Variants in GPR158 observed in about 807,000 individuals in gnomAD.
GPR158 encodes metabotropic glycine receptor.
A neutral mutation model predicts 78.2 loss-of-function variants in GPR158; 30 were observed. The observed-to-expected ratio is 0.38, with a 90% CI of 0.29 to 0.52. The LOEUF is 0.52. GPR158 is among the 20% of genes least tolerant of loss of function. The pLI is 0.83. For synonymous variants in GPR158, 581 were observed against 591.1 expected (o/e 0.98, Z 0.25); for missense variants, 1,463 against 1,523.5 (o/e 0.96, Z 0.66).
chr10:25,598,708 C>G lies in GPR158; in HGVS notation c.3082C>G (p.His1028Asp), dbSNP rs1389889915. 2 of 1,613,958 alleles carry G rather than the reference C, an allele frequency of 1.2e-6. No individual in the cohort carries two copies. The highest frequency in any genetic ancestry group is 1.7e-6 in the Non-Finnish European group (2 of 1,179,976). Residue 1028 changes from histidine to aspartate, a missense_variant, in exon 11 of 11, where the codon CAC (histidine) becomes GAC (aspartate). By Grantham distance (81) the His-to-Asp change is moderately conservative (BLOSUM62 -1). Transcript: ENST00000376351. ...GCCTTCAGAATCAAAAGTTCAAAAG[C>G]ACGTATCTATTGTGGCTTCTGAAAT... Reference protein sequence around the residue: ...PVPSESKVQKHVSIVASEMEK... With the variant: ...PVPSESKVQKDVSIVASEMEK...
chr10:25,271,298 T>C (rs1432812541), intron 2 of GPR158, among the ~76,000 whole-genome samples: 4 of 152,376 alleles, frequency 2.6e-5, no homozygotes, highest in African/African-American at 9.6e-5. Flanking sequence ...TTTAATTATG[T>C]ATTTATTTAT....
chr10:25,404,379 C>G (rs560560309), intron 3 of GPR158, among the ~76,000 whole-genome samples: 15 of 152,190 alleles, frequency 9.9e-5, no homozygotes, highest in Admixed American at 4.6e-4. Flanking sequence ...GAATTGATCT[C>G]ATGGTATTTC....
intron 7 of GPR158, among the ~76,000 whole-genome samples, chr10:25,574,894 A>C (rs531826640): frequency 1.3e-5 from 2 of 152,110 alleles, no homozygotes; most frequent in South Asian, 4.2e-4. Flanking sequence ...CAAAGAAATA[A>C]AAAACAAAAA....
At chr10:25,221,344 G>T (rs80173810) in intron 2 of GPR158, among the ~76,000 whole-genome samples, 187 bp downstream of exon 2, 2 of 152,076 alleles carry the variant, frequency 1.3e-5, no homozygotes. Context: ...GTTCGCTTGG[G>T]GACTGAAAGA....
At chr10:25,189,447 T>C (rs1275562297) in intron 1 of GPR158, among the ~76,000 whole-genome samples, 1 of 152,168 alleles carries the variant, frequency 6.6e-6, no homozygotes, top group African/African-American at 2.4e-5. Context: ...CATGGAATAC[T>C]ATGCAGCCAT....
Position 25,264,506 on chromosome 10 carries a change from T to C in GPR158, c.1008+43349T>C, listed in dbSNP as rs561367476. ...TGGATCAGTCAAGCCATAATATTAC[T>C]CCCAACCCAAATGTCATCTAAATGC... On this transcript the variant is annotated intron_variant, in intron 2 of 10. Coordinates refer to ENST00000376351, the MANE Select transcript of GPR158 (RefSeq NM_020752.3). Among the ~76,000 whole-genome samples the C allele has an allele frequency of 2.0e-5, 3 of 152,194 alleles. No individual in the cohort carries two copies. The South Asian group carries it at 6.2e-4, about 32-fold the overall frequency.
chr10:25,285,957 T>A (rs563039435), intron 2 of GPR158, among the ~76,000 whole-genome samples: 1 of 152,322 alleles, frequency 6.6e-6, no homozygotes, highest in South Asian at 2.1e-4. Context: ...GGCATTCCAT[T>A]GTCTTCTGAC....
chr10:25,548,655 G>A (rs1038050419), intron 5 of GPR158, among the ~76,000 whole-genome samples: 1 of 152,174 alleles, frequency 6.6e-6, no homozygotes, highest in African/African-American at 2.4e-5. Context: ...AATTGGAACC[G>A]AGGGAGACTG....
chr10:25,216,750 G>A (rs1299316076), intron 1 of GPR158, among the ~76,000 whole-genome samples: 1 of 152,110 alleles, frequency 6.6e-6, no homozygotes, highest in East Asian at 1.9e-4. Flanking sequence ...TTAGAAAGTG[G>A]CCAGGTAGGA....
intron 2 of GPR158, among the ~76,000 whole-genome samples, chr10:25,222,495 A>G (rs1013821401): frequency 6.6e-6 from 1 of 151,622 alleles, no homozygotes; most frequent in Non-Finnish European, 1.5e-5. Flanking sequence ...TGCCATCCAC[A>G]GTTAATGTTT....
rs140683121 is a variant in GPR158, at chr10:25,307,352, G to C, written c.1008+86195G>C. ...CTTTTTCTTTCAAGTCCCCCAAAAT[G>C]CCATACTCTCGTGTATTTTAATTGC... is the stretch of plus-strand genomic sequence containing the variant. On this transcript the variant is annotated intron_variant, in intron 2 of 10. Coordinates refer to ENST00000376351, the MANE Select transcript of GPR158 (RefSeq NM_020752.3). Among the ~76,000 whole-genome samples the C allele has an allele frequency of 2.2e-3, 321 of 143,190 alleles. 2 individuals carry two copies. Among genetic ancestry groups the C allele is most frequent in the African/African-American group, 7.8e-3 (299 of 38,316 alleles). 93.9% of individuals were successfully genotyped at this position (143,190 alleles called of 152,430 possible).
rs191447585 is a variant in GPR158 at position 25,543,182 on chromosome 10, G to A, written c.1405-7794G>A. 1.6e-3 allele frequency among the ~76,000 whole-genome samples: 242 copies of A among 152,052 alleles called. 1 individual carries two copies. The Middle Eastern group carries it at 0.034, about 21-fold the overall frequency. On this transcript the variant is annotated intron_variant, in intron 5 of 10. Coordinates refer to ENST00000376351, the MANE Select transcript of GPR158 (RefSeq NM_020752.3). ...GTCACCCAGGCTGGAGTGCAGTGGC[G>A]CAATCTCTGCTCACTGCAACCTCTG... is the stretch of plus-strand genomic sequence containing the variant.
At position 25,196,948 on chromosome 10, in the gene GPR158, G is replaced by A. The variant is rs77508099; in HGVS notation, c.902+20626G>A. Among the ~76,000 whole-genome samples, 9 of 152,174 alleles carry A rather than the reference G, an allele frequency of 5.9e-5. No individual in the cohort carries two copies. The East Asian group carries it at 1.5e-3, about 26-fold the overall frequency. On this transcript the variant is annotated intron_variant, in intron 1 of 10. Transcript: ENST00000376351. ...CAAGCTGTCCTGCATGAGCATTTTCGACCTGTGCTCCAGGCTTCTGCTAAG... is the reference window on the plus strand; with the variant it reads ...CAAGCTGTCCTGCATGAGCATTTTCAACCTGTGCTCCAGGCTTCTGCTAAG...
chr10:25,424,345 G>C (rs1325937475), intron 4 of GPR158, among the ~76,000 whole-genome samples: 1 of 152,088 alleles, frequency 6.6e-6, no homozygotes, highest in Non-Finnish European at 1.5e-5. Flanking sequence ...TCACTCTGAT[G>C]GCATGGCAGT....
intron 6 of GPR158, among the ~76,000 whole-genome samples, chr10:25,552,118 C>G (rs1443543132): frequency 6.6e-6 from 1 of 152,138 alleles, no homozygotes; most frequent in South Asian, 2.1e-4. Flanking sequence ...AGATTCCCTT[C>G]TTATATATGC....
rs557879209 is a variant in GPR158 at position 25,400,557 on chromosome 10, T to A, written c.1111+4544T>A. Among the ~76,000 whole-genome samples, 28 of 152,276 alleles carry A rather than the reference T, an allele frequency of 1.8e-4. No individual in the cohort carries two copies. The South Asian group carries it at 5.8e-3, about 32-fold the overall frequency. On this transcript the variant is annotated intron_variant, in intron 3 of 10. Transcript: ENST00000376351. ...TGCTCTTGAAATTGGTAATCACATG[T>A]GAGTTAGCAGGATCTGACATCTGGA...
At chr10:25,341,282 G>A (rs996079770) in intron 2 of GPR158, among the ~76,000 whole-genome samples, 1 of 151,904 alleles carries the variant, frequency 6.6e-6, no homozygotes, top group Non-Finnish European at 1.5e-5. Flanking sequence ...TTGAATGTGG[G>A]TAAATGTAAA....
chr10:25,553,684 T>C (rs1269049632), intron 6 of GPR158, among the ~76,000 whole-genome samples: 1 of 152,130 alleles, frequency 6.6e-6, no homozygotes, highest in African/African-American at 2.4e-5. Context: ...TGAATGGAGC[T>C]GCAAAGGGTG....
At chr10:25,253,997 C>G (rs1048848178) in intron 2 of GPR158, among the ~76,000 whole-genome samples, 2 of 152,140 alleles carry the variant, frequency 1.3e-5, no homozygotes, top group Non-Finnish European at 2.9e-5. Flanking sequence ...GTTTAGTTTG[C>G]TCTTTCAAAT....
Sources: allele counts gnomAD v4.1 joint callset (sites outside exome capture counted in the v4.1 genomes callset), GRCh38; gene constraint gnomAD v4.1.1; transcripts MANE v1.5; gene names NCBI Gene and HGNC (gene_info 2026-07-23, HGNC 2026-07-21).